Variants in FAM222B observed in about 807,000 individuals in gnomAD.
The protein encoded by FAM222B is family with sequence similarity 222 member B, also known as protein FAM222B.
A neutral mutation model predicts 38.0 loss-of-function variants in FAM222B; 12 were observed. The observed-to-expected ratio is 0.32, with a 90% CI of 0.20 to 0.51. FAM222B has a LOEUF of 0.51. Ranked by LOEUF, FAM222B falls within the 20% of genes least tolerant of loss-of-function variation. The probability of loss-of-function intolerance (pLI) is 0.97; values close to 1 mark genes in which losing one functional copy is unlikely to be tolerated. For missense variants in FAM222B, 716 were observed against 754.2 expected, an observed-to-expected ratio of 0.95 and a Z score of 0.59; for synonymous variants, 329 against 317.2, an observed-to-expected ratio of 1.04 and a Z score of -0.40.
rs757944190 is a variant in FAM222B at position 28,833,612 on chromosome 17, C to CAG, written c.-41+9069_-41+9070insCT. Among the ~76,000 whole-genome samples, 93 of 73,204 alleles carry CAG rather than the reference C, an allele frequency of 1.3e-3. 1 individual carries two copies. Among genetic ancestry groups the CAG allele is most frequent in the African/African-American group, 4.7e-3 (90 of 19,120 alleles). 48.0% of individuals were successfully genotyped at this position (73,204 alleles called of 152,430 possible). ...TGGGCAACAGAGTGAGACTTTGTCT[C>CAG]AAAAAAAAAAAAAAAAAAAAGAAGT... On this transcript the variant is annotated intron_variant, in intron 1 of 2. Coordinates refer to ENST00000581407, the MANE Select transcript of FAM222B (RefSeq NM_001077498.3).
chr17:28,837,949 G>A (rs558007618), intron 1 of FAM222B, among the ~76,000 whole-genome samples: 2 of 152,028 alleles, frequency 1.3e-5, no homozygotes, highest in Non-Finnish European at 2.9e-5. Flanking sequence ...CAACATGTCC[G>A]ACCAATAATT....
upstream of FAM222B, among the ~76,000 whole-genome samples, chr17:28,844,926 C>T (rs2039134874): frequency 6.6e-6 from 1 of 151,486 alleles, no homozygotes; most frequent in African/African-American, 2.4e-5. Context: ...CACGGTGAAA[C>T]CCTGTCTCTA....
In FAM222B at chr17:28,772,423, C is replaced by G. The variant is rs184739594; in HGVS notation, c.-40-5716G>C. On this transcript the variant is annotated intron_variant, in intron 1 of 2. Coordinates refer to ENST00000581407, the MANE Select transcript of FAM222B (RefSeq NM_001077498.3). ...CCCCTCAAACCACATCTTTGGATTTCAATAGAAAGAACAGAGAGAGGCCGG... is the reference window on the plus strand; with the variant it reads ...CCCCTCAAACCACATCTTTGGATTTGAATAGAAAGAACAGAGAGAGGCCGG... Among the ~76,000 whole-genome samples, 114 of 151,950 alleles carry G rather than the reference C, an allele frequency of 7.5e-4. 1 individual carries two copies. The highest frequency in any genetic ancestry group is 2.6e-3 in the African/African-American group (108 of 41,476).
At chr17:28,850,324 C>T (rs1366857365) in intron 1 of FAM222B, among the ~76,000 whole-genome samples, 1 of 151,268 alleles carries the variant, frequency 6.6e-6, no homozygotes, top group African/African-American at 2.4e-5. Context: ...CTTTTTAAGA[C>T]AGAGTCTTGC....
chr17:28,804,584 T>G (rs1410949501), intron 1 of FAM222B, among the ~76,000 whole-genome samples: 4 of 151,842 alleles, frequency 2.6e-5, no homozygotes, highest in Admixed American at 2.6e-4. Context: ...TCCACACACC[T>G]CGGCCTCCCA....
chr17:28,756,644 A>T lies in FAM222B; in HGVS notation c.*1626T>A, dbSNP rs1229202656. ...TGGGGGATCAGGACAGGGAGGTACC[A>T]GTGTTCACAGACGGCAGGAAAACAA... On this transcript the variant is annotated 3_prime_UTR_variant, in exon 3 of 3. Coordinates refer to ENST00000581407, the MANE Select transcript of FAM222B (RefSeq NM_001077498.3). 6.6e-6 allele frequency: 1 copy of T among 152,560 alleles called. No homozygotes were observed. 9.5% of individuals were successfully genotyped at this position (152,560 alleles called of 1,614,324 possible). A position where few individuals can be genotyped will look rare whatever the true frequency, so the allele number is the denominator to read the frequency against.
intron 1 of FAM222B, among the ~76,000 whole-genome samples, chr17:28,806,582 C>T (rs922567970): frequency 1.2e-4 from 19 of 152,120 alleles, no homozygotes; most frequent in Admixed American, 7.9e-4. Context: ...ATAATTGGGA[C>T]GGCACCCTGT....
At chr17:28,773,479 C>CAAA (rs66716142) in intron 1 of FAM222B, among the ~76,000 whole-genome samples, 92 of 60,514 alleles carry the variant, frequency 1.5e-3, no homozygotes, top group South Asian at 2.4e-3. Flanking sequence ...AACTCTGTCT[C>CAAA]AAAAAAAAAA....
Position 28,758,455 on chromosome 17 carries a change from C to T in FAM222B, c.1504G>A (p.Gly502Ser), listed in dbSNP as rs754161787. ...AAGCTGTTCTGGCTTGCCACTGGAC[C>T]GCCCCCGGTCCCTGCTCGGTAGTGG... ...GAHYRAGTGGGPVASQNSLMQ... is the reference protein window; with the variant it reads ...GAHYRAGTGGSPVASQNSLMQ... The change falls in exon 3 of 3, where the codon GGT (glycine) becomes AGT (serine). Residue 502 changes from glycine (G) to serine (S), a missense_variant. Coordinates refer to ENST00000581407, the MANE Select transcript of FAM222B (RefSeq NM_001077498.3). 7.4e-6 allele frequency: 12 copies of T among 1,613,588 alleles called. No homozygotes were observed. Among genetic ancestry groups the T allele is most frequent in the East Asian group, 2.2e-5 (1 of 44,882 alleles).
chr17:28,847,823 A>G (rs2039155608), intron 1 of FAM222B, among the ~76,000 whole-genome samples: 1 of 151,452 alleles, frequency 6.6e-6, no homozygotes, highest in Non-Finnish European at 1.5e-5. Flanking sequence ...CTGAGGCCGG[A>G]GAATGGTGTG....
chr17:28,769,053 G>C (rs918694276), intron 1 of FAM222B, among the ~76,000 whole-genome samples: 1 of 151,768 alleles, frequency 6.6e-6, no homozygotes, highest in African/African-American at 2.4e-5. Context: ...CTTGGAAACA[G>C]GTAACAAACT....
rs2038401696 is a variant in FAM222B at position 28,825,384 on chromosome 17, A to G, written c.-41+17298T>C. 4.7e-5 allele frequency among the ~76,000 whole-genome samples: 7 copies of G among 148,932 alleles called. No homozygotes were observed. In the South Asian group the frequency reaches 1.6e-3, roughly 33 times the overall value. On this transcript the variant is annotated intron_variant, in intron 1 of 2. Transcript: ENST00000581407. ...CGGTGGTGGAGGTTACGGGGAACCAAGATTGCACCACTGCACTCCAACCTA... is the reference window on the plus strand; with the variant it reads ...CGGTGGTGGAGGTTACGGGGAACCAGGATTGCACCACTGCACTCCAACCTA...
At chr17:28,797,875 AC>A (rs2037017844) in intron 1 of FAM222B, among the ~76,000 whole-genome samples, 1 of 151,140 alleles carries the variant, frequency 6.6e-6, no homozygotes, top group Admixed American at 6.6e-5. Flanking sequence ...AGTCTGGACA[AC>A]ATAGGGAGAC....
At position 28,785,374 on chromosome 17, in the gene FAM222B, G is replaced by A. The variant is rs547510328; in HGVS notation, c.-40-18667C>T. 3.3e-5 allele frequency among the ~76,000 whole-genome samples: 5 copies of A among 152,122 alleles called. No homozygotes were observed. The South Asian group carries it at 6.2e-4, about 19-fold the overall frequency. ...TGTTTACTGAGATGCAATCTTTATC[G>A]TGGGCATAGATAAAATGTCTGAAAA... On this transcript the variant is annotated intron_variant, in intron 1 of 2. Coordinates refer to ENST00000581407, the MANE Select transcript of FAM222B (RefSeq NM_001077498.3).
intron 1 of FAM222B, among the ~76,000 whole-genome samples, chr17:28,780,009 C>T (rs1207690092): frequency 1.3e-5 from 2 of 150,980 alleles, no homozygotes; most frequent in Non-Finnish European, 2.9e-5. Flanking sequence ...CTCGCTCTGT[C>T]GCCCAGGCTG....
Position 28,759,581 on chromosome 17 carries a change from C to G in FAM222B, c.378G>C (p.Glu126Asp), listed in dbSNP as rs996332099. The G allele has an allele frequency of 6.2e-7, 1 of 1,611,788 alleles. No individual in the cohort carries two copies. Among genetic ancestry groups the G allele is most frequent in the African/African-American group, 1.3e-5 (1 of 74,872 alleles). Residue 126 changes from glutamate to aspartate, a missense_variant, in exon 3 of 3, where the codon GAG becomes GAC. Transcript: ENST00000581407. This position sits in a 1 kb window ranked among gnomAD's most constrained non-coding sequence, Gnocchi z 4.8. ...GTGCCACTGGGGGGTTCATGATGGC[C>G]TCAGGGAGCAACCGGGCTCGGGTGC... ...FDGTRARLLP[E>D]AIMNPPVAPY...
chr17:28,801,335 C>CCCAGCTA (rs915916672), intron 1 of FAM222B, among the ~76,000 whole-genome samples: 12 of 151,292 alleles, frequency 7.9e-5, no homozygotes, highest in African/African-American at 2.9e-4. Context: ...CGCCTGTAGT[C>CCCAGCTA]CCAGCTACTC....
At chr17:28,835,057 T>C (rs2152620442) in intron 1 of FAM222B, among the ~76,000 whole-genome samples, 1 of 150,406 alleles carries the variant, frequency 6.6e-6, no homozygotes, top group Non-Finnish European at 1.5e-5. Flanking sequence ...TGTGTGTGTG[T>C]GTGTGTGTGA....
chr17:28,785,696 C>T (rs1267639434), intron 1 of FAM222B, among the ~76,000 whole-genome samples: 1 of 151,744 alleles, frequency 6.6e-6, no homozygotes, highest in African/African-American at 2.4e-5. Context: ...CCACCATGCC[C>T]GGCTATTTTT....
Sources: gnomAD v4.1 joint callset for allele counts (sites outside exome capture counted in the v4.1 genomes callset) on GRCh38, gnomAD v4.1.1 for gene constraint, Gnocchi (gnomAD v3.1) non-coding constraint, MANE v1.5 for transcripts, NCBI Gene and HGNC (gene_info 2026-07-23, HGNC 2026-07-21) for gene names.